CYP3A7: variants seen among roughly 807,000 people sequenced by gnomAD.
CYP3A7 encodes the protein cytochrome P450 family 3 subfamily A member 7.
In CYP3A7, 45 loss-of-function variants were observed where a neutral mutation model predicts 55.2. The observed-to-expected ratio is 0.82, with a 90% confidence interval of 0.64 to 1.05. The LOEUF is 1.05. Ranked by LOEUF, CYP3A7 falls within the 50% of genes least tolerant of loss-of-function variation. The pLI is 0.00. For missense variants in CYP3A7, 548 were observed against 605.3 expected (o/e 0.91, Z 0.99); for synonymous variants, 180 against 207.4 (o/e 0.87, Z 1.13).
At chr7:99,730,801 C>G (rs1814582136) in intron 2 of CYP3A7, 1 of 455,454 alleles carries the variant, frequency 2.2e-6, no homozygotes, top group African/African-American at 2.0e-5. Context: ...CTCACAAAGT[C>G]TGCACATCAA....
rs534694459 is a variant in CYP3A7 at position 99,733,675 on chromosome 7, C to T, written c.71+1348G>A. Among the ~76,000 whole-genome samples the T allele has an allele frequency of 4.6e-5, 7 of 152,264 alleles. 1 individual carries two copies. Among genetic ancestry groups the T allele is most frequent in the Admixed American group, 1.3e-4 (2 of 15,296 alleles). On this transcript the variant is annotated intron_variant, in intron 1 of 12. Transcript: ENST00000336374. ...ATGAGATGCCAACATGTTTGTCCTT[C>T]AAGTGACCTCCACTAGGGGGCCAGG...
chr7:99,708,243 A>G (rs41279860), intron 11 of CYP3A7, among the ~76,000 whole-genome samples: 295 of 152,308 alleles, frequency 1.9e-3, no homozygotes, highest in Non-Finnish European at 3.4e-3. Flanking sequence ...AAACACTCAA[A>G]TTATAGTCAG....
At chr7:99,722,570 T>A (rs1219283943) in intron 2 of CYP3A7, among the ~76,000 whole-genome samples, 1 of 152,202 alleles carries the variant, frequency 6.6e-6, no homozygotes, top group Admixed American at 6.5e-5. Flanking sequence ...TTGTCGATAC[T>A]GAATGTCTTA....
At chr7:99,711,027 G>A (rs1223036712) in intron 9 of CYP3A7, 135 bp from the exon 10 acceptor site, 9 of 1,457,632 alleles carry the variant, frequency 6.2e-6, no homozygotes, top group Non-Finnish European at 8.3e-6. Flanking sequence ...TCTCACTGGG[G>A]GTGGTTTCAC....
At chr7:99,734,482 C>T (rs1183656804) in intron 1 of CYP3A7, among the ~76,000 whole-genome samples, 1 of 152,156 alleles carries the variant, frequency 6.6e-6, no homozygotes, top group African/African-American at 2.4e-5. Flanking sequence ...TCCCTAAACC[C>T]TTCTTTCCAC....
At chr7:99,733,149 T>C (rs1286956395) in intron 1 of CYP3A7, among the ~76,000 whole-genome samples, 1 of 152,214 alleles carries the variant, frequency 6.6e-6, no homozygotes, top group African/African-American at 2.4e-5. Context: ...CAGGGTGGCC[T>C]TGGGTTTTCC....
rs1391188551 is a variant in CYP3A7 at position 99,731,115 on chromosome 7, C to T, written c.109G>A (p.Gly37Arg). The change falls in exon 2 of 13, where the codon GGA becomes AGA. Residue 37 changes from glycine (G) to arginine (R), a missense_variant. Physicochemically the swap from Gly to Arg is moderately radical, Grantham distance 125. Coordinates refer to ENST00000336374, the MANE Select transcript of CYP3A7 (RefSeq NM_000765.5). ...GGCAGAGGTGTGGGCCCTGGAATTC[C>T]AAGCTTCTTAAAAAGTCCATGTGTA... ...TRTHGLFKKL[G>R]IPGPTPLPFL... is the part of the protein sequence containing the mutation. The T allele has an allele frequency of 6.2e-7, 1 of 1,613,722 alleles. No individual in the cohort carries two copies. The highest frequency in any genetic ancestry group is 1.3e-5 in the African/African-American group (1 of 74,882).
At chr7:99,721,144 CA>C (rs1814183836) in intron 3 of CYP3A7, among the ~76,000 whole-genome samples, 1 of 152,216 alleles carries the variant, frequency 6.6e-6, no homozygotes, top group African/African-American at 2.4e-5. Flanking sequence ...CACAGTCCAT[CA>C]GCCCACCAGG....
intron 10 of CYP3A7, among the ~76,000 whole-genome samples, chr7:99,709,790 A>G (rs188540415): frequency 0.013 from 1,135 of 85,016 alleles, 4 homozygotes; most frequent in Middle Eastern, 0.029. Flanking sequence ...GTGTGTGTGT[A>G]TATATATATA....
intron 2 of CYP3A7, 91 bp downstream of exon 2, chr7:99,730,968 C>T: frequency 6.6e-7 from 1 of 1,518,386 alleles, no homozygotes; most frequent in Non-Finnish European, 9.1e-7. Flanking sequence ...AAATCTCAGA[C>T]CTTCCTCTTG....
At chr7:99,715,666 T>G in intron 7 of CYP3A7, 92 bp downstream of exon 7, 1 of 1,598,026 alleles carries the variant, frequency 6.3e-7, no homozygotes, top group Non-Finnish European at 8.6e-7. Flanking sequence ...AACTGTACAT[T>G]TTAAGTGGAT....
chr7:99,725,751 C>T (rs530172573), intron 2 of CYP3A7, among the ~76,000 whole-genome samples: 3 of 152,166 alleles, frequency 2.0e-5, no homozygotes, highest in African/African-American at 4.8e-5. Flanking sequence ...TGATGCTACC[C>T]GATCACCTCG....
intron 2 of CYP3A7, among the ~76,000 whole-genome samples, chr7:99,724,524 T>A (rs1318554479): frequency 1.3e-5 from 2 of 151,962 alleles, no homozygotes; most frequent in Non-Finnish European, 2.9e-5. Context: ...GTCCTTTGAA[T>A]CCTCCTTTTC....
At chr7:99,719,017 G>A (rs932932832) in intron 4 of CYP3A7, among the ~76,000 whole-genome samples, 12 of 152,170 alleles carry the variant, frequency 7.9e-5, no homozygotes, top group African/African-American at 2.9e-4. Context: ...TAAGGAAATG[G>A]AGAGGCATAC....
intron 2 of CYP3A7, among the ~76,000 whole-genome samples, chr7:99,730,113 A>G (rs1391869069): frequency 1.3e-5 from 2 of 152,214 alleles, no homozygotes; most frequent in Admixed American, 6.5e-5. Flanking sequence ...AAATAAGCTC[A>G]TAATTTTCCA....
intron 8 of CYP3A7, 60 bp downstream of exon 8, chr7:99,714,495 G>A (rs2151510422): frequency 6.2e-7 from 1 of 1,601,530 alleles, no homozygotes; most frequent in Non-Finnish European, 8.5e-7. Context: ...CCGATCATAT[G>A]TATATTTCTA....
intron 4 of CYP3A7, 41 bp from the exon 5 acceptor site, chr7:99,717,680 T>G: frequency 1.2e-6 from 2 of 1,608,522 alleles, no homozygotes; most frequent in Non-Finnish European, 1.7e-6. Flanking sequence ...ACATCAGTTG[T>G]GGAGGTCTCC....
At chr7:99,717,729 T>G (rs1277429305) in intron 4 of CYP3A7, 90 bp from the exon 5 acceptor site, 41 of 1,475,150 alleles carry the variant, frequency 2.8e-5, no homozygotes, top group Non-Finnish European at 3.5e-5. Context: ...ATCATGTATT[T>G]AACAAATATT....
At chr7:99,731,201 T>C in intron 1 of CYP3A7, 49 bp from the exon 2 acceptor site, 1 of 1,607,798 alleles carries the variant, frequency 6.2e-7, no homozygotes, top group Non-Finnish European at 8.5e-7. Flanking sequence ...ACTTTATAGA[T>C]ATAGGGGCTG....
Sources: gnomAD v4.1 joint callset for allele counts (sites outside exome capture counted in the v4.1 genomes callset) on GRCh38, gnomAD v4.1.1 for gene constraint, MANE v1.5 for transcripts, NCBI Gene and HGNC (gene_info 2026-07-23, HGNC 2026-07-21) for gene names.